Variants in ADAM23 observed in about 807,000 individuals in gnomAD.
ADAM23 encodes ADAM metallopeptidase domain 23.
ADAM23 carries 33 observed loss-of-function variants against 120.1 expected under a neutral mutation model. That is an observed-to-expected ratio of 0.27 (90% confidence interval 0.21 to 0.37). ADAM23 has a LOEUF of 0.37. Among genes scored for constraint, ADAM23 ranks in the 10% least tolerant of loss-of-function variants. The pLI, the probability that ADAM23 is intolerant of heterozygous loss-of-function variation, is 1.00. For missense variants in ADAM23, 862 were observed against 1,058.2 expected (o/e 0.81, Z 2.57); for synonymous variants, 367 against 375.2 (o/e 0.98, Z 0.25).
intron 4 of ADAM23, among the ~76,000 whole-genome samples, chr2:206,534,692 C>T (rs1697136080): frequency 6.6e-6 from 1 of 152,146 alleles, no homozygotes; most frequent in Admixed American, 6.5e-5. Context: ...TGGTGAGCTG[C>T]TAATACATAT....
intron 3 of ADAM23, among the ~76,000 whole-genome samples, chr2:206,520,026 A>G (rs1696811953): frequency 6.6e-6 from 1 of 152,138 alleles, no homozygotes; most frequent in South Asian, 2.1e-4. Flanking sequence ...AAAAAATAAA[A>G]AATAAAAAGG....
chr2:206,550,273 A>G, intron 9 of ADAM23, 113 bp downstream of exon 9: 1 of 511,312 alleles, frequency 2.0e-6, no homozygotes, highest in Non-Finnish European at 3.2e-6. Context: ...ATATTCAGAC[A>G]TATTAAGTGA....
intron 3 of ADAM23, among the ~76,000 whole-genome samples, chr2:206,489,647 T>C (rs1426635593): frequency 6.6e-6 from 1 of 152,112 alleles, no homozygotes; most frequent in African/African-American, 2.4e-5. Context: ...GATAACCCTG[T>C]GAGGAAGATG....
chr2:206,591,451 T>C (rs1351321896), intron 21 of ADAM23, among the ~76,000 whole-genome samples: 1 of 152,248 alleles, frequency 6.6e-6, no homozygotes, highest in Non-Finnish European at 1.5e-5. Context: ...TTTTCTGTGG[T>C]GTGTATAGCT....
intron 2 of ADAM23, among the ~76,000 whole-genome samples, chr2:206,451,689 A>T (rs994298595): frequency 1.3e-5 from 2 of 152,212 alleles, no homozygotes; most frequent in African/African-American, 4.8e-5. Context: ...GAGAGCCAGG[A>T]TTTGAATCCA....
chr2:206,507,455 G>A (rs949629302), intron 3 of ADAM23, among the ~76,000 whole-genome samples: 22 of 152,012 alleles, frequency 1.4e-4, no homozygotes, highest in Non-Finnish European at 2.9e-4. Context: ...GTGAAATGCC[G>A]GCCTCCCACC....
intron 10 of ADAM23, among the ~76,000 whole-genome samples, chr2:206,559,673 C>T (rs1323533655): frequency 6.6e-6 from 1 of 152,006 alleles, no homozygotes; most frequent in Admixed American, 6.6e-5. Flanking sequence ...AAATTTATGC[C>T]CTGGCTTTGG....
chr2:206,474,921 T>C (rs920568308), intron 2 of ADAM23, among the ~76,000 whole-genome samples: 1 of 152,144 alleles, frequency 6.6e-6, no homozygotes, highest in African/African-American at 2.4e-5. Context: ...CATCATGTTG[T>C]TAAGCTATTA....
chr2:206,457,245 C>T (rs1695319101), intron 2 of ADAM23, among the ~76,000 whole-genome samples: 1 of 152,170 alleles, frequency 6.6e-6, no homozygotes. Flanking sequence ...ATGGTCCTTG[C>T]AGCATAACTG....
intron 18 of ADAM23, among the ~76,000 whole-genome samples, chr2:206,580,353 T>C (rs942281134): frequency 1.3e-5 from 2 of 152,200 alleles, no homozygotes; most frequent in Non-Finnish European, 2.9e-5. Flanking sequence ...GGCTGTGGGT[T>C]TGTCACAGAT....
chr2:206,517,003 T>TAATA (rs1260499185), intron 3 of ADAM23, among the ~76,000 whole-genome samples: 1 of 151,854 alleles, frequency 6.6e-6, no homozygotes, highest in Admixed American at 6.6e-5. Flanking sequence ...GCTAAAATAA[T>TAATA]AATAAATAAA....
intron 6 of ADAM23, among the ~76,000 whole-genome samples, chr2:206,545,008 G>A (rs996567340): frequency 1.3e-5 from 2 of 152,124 alleles, no homozygotes; most frequent in Non-Finnish European, 2.9e-5. Flanking sequence ...ACCTGACAGG[G>A]TTGGAGAGGA....
chr2:206,458,804 C>T (rs969055860), intron 2 of ADAM23, among the ~76,000 whole-genome samples: 3 of 152,130 alleles, frequency 2.0e-5, no homozygotes, highest in Non-Finnish European at 4.4e-5. Flanking sequence ...CAAACGAAAC[C>T]AAACCTAAGA....
At chr2:206,595,166 C>T (rs953698910) in intron 23 of ADAM23, among the ~76,000 whole-genome samples, 2 of 151,998 alleles carry the variant, frequency 1.3e-5, no homozygotes, top group Admixed American at 6.6e-5. Context: ...GGCGACAGAG[C>T]GAGACTCCAT....
chr2:206,561,056 A>G, intron 11 of ADAM23, 72 bp from the exon 12 acceptor site: 1 of 1,304,202 alleles, frequency 7.7e-7, no homozygotes, highest in Non-Finnish European at 1.1e-6. Context: ...GTAGGAGGGT[A>G]GACATATTTT....
chr2:206,493,352 A>G (rs1696170445), intron 3 of ADAM23, among the ~76,000 whole-genome samples: 1 of 152,178 alleles, frequency 6.6e-6, no homozygotes, highest in Non-Finnish European at 1.5e-5. Flanking sequence ...TTTAAAAACA[A>G]AATAATCTAT....
intron 25 of ADAM23, among the ~76,000 whole-genome samples, chr2:206,612,700 T>C (rs902861048): frequency 6.6e-6 from 1 of 152,208 alleles, no homozygotes; most frequent in African/African-American, 2.4e-5. Flanking sequence ...ACAGCTATGC[T>C]CTAAGCCCTG....
chr2:206,560,186 C>T, intron 11 of ADAM23, 68 bp downstream of exon 11: 1 of 1,488,590 alleles, frequency 6.7e-7, no homozygotes, highest in Non-Finnish European at 9.0e-7. Flanking sequence ...TTTTTTGGTT[C>T]AGTTAAGTTA....
intron 24 of ADAM23, among the ~76,000 whole-genome samples, chr2:206,600,059 G>A (rs1018639018): frequency 1.3e-5 from 2 of 152,148 alleles, no homozygotes; most frequent in Non-Finnish European, 2.9e-5. Flanking sequence ...AAAATTAGTT[G>A]GGCGTGGTGG....
Sources: gnomAD v4.1 joint callset for allele counts (sites outside exome capture counted in the v4.1 genomes callset) on GRCh38, gnomAD v4.1.1 for gene constraint, MANE v1.5 for transcripts, NCBI Gene and HGNC (gene_info 2026-07-23, HGNC 2026-07-21) for gene names.